Variants in DIP2A observed in about 807,000 individuals in gnomAD.
DIP2A encodes the protein DIP2 acetate--CoA ligase A, also known as disco-interacting protein 2 homolog A.
A neutral mutation model predicts 177.4 loss-of-function variants in DIP2A; 85 were observed. The observed-to-expected ratio is 0.48, with a 90% confidence interval of 0.40 to 0.57. DIP2A has a LOEUF of 0.57. DIP2A is among the 20% of genes least tolerant of loss of function. The probability of loss-of-function intolerance (pLI) is 0.00; values close to 1 mark genes in which losing one functional copy is unlikely to be tolerated. For missense variants in DIP2A, 1,791 were observed against 2,100.2 expected (o/e 0.85, Z 2.88); for synonymous variants, 886 against 881.8 (o/e 1.00, Z -0.08).
At chr21:46,500,654 T>G (rs1393439435) in intron 5 of DIP2A, among the ~76,000 whole-genome samples, 1 of 152,238 alleles carries the variant, frequency 6.6e-6, no homozygotes, top group East Asian at 1.9e-4. Flanking sequence ...CTCAACACTG[T>G]TTCCGGGTGG....
At chr21:46,544,361 C>T (rs570938246) in intron 18 of DIP2A, among the ~76,000 whole-genome samples, 20 of 152,248 alleles carry the variant, frequency 1.3e-4, no homozygotes, top group African/African-American at 4.1e-4. Flanking sequence ...GCAGACAGGT[C>T]GTTTGTCAGT....
intron 5 of DIP2A, among the ~76,000 whole-genome samples, chr21:46,500,761 T>C (rs1236367533): frequency 1.3e-5 from 2 of 152,250 alleles, no homozygotes; most frequent in African/African-American, 2.4e-5. Context: ...GGGGTGTCTT[T>C]AAGCAAAGCA....
downstream of DIP2A, among the ~76,000 whole-genome samples, chr21:46,570,142 G>A (rs533708773): frequency 1.3e-4 from 20 of 152,300 alleles, no homozygotes; most frequent in African/African-American, 4.6e-4. Context: ...CCAGATGCAC[G>A]TTTACACTGC....
intron 1 of DIP2A, among the ~76,000 whole-genome samples, chr21:46,460,213 A>G (rs955227844): frequency 6.6e-6 from 1 of 152,142 alleles, no homozygotes; most frequent in African/African-American, 2.4e-5. Context: ...AAAAAGTCGT[A>G]TAAATGGTTG....
Position 46,497,425 on chromosome 21 carries a change from T to TA in DIP2A, c.403+320dup, listed in dbSNP as rs2057418350. 5.9e-5 allele frequency among the ~76,000 whole-genome samples: 9 copies of TA among 152,332 alleles called. No homozygotes were observed. The South Asian group carries it at 1.9e-3, about 32-fold the overall frequency. ...ACTAAGAGGAGCCTAAAATAAGCAC[T>TA]AAGCTAAAGCTTCCTGAATTAGGAA... is the stretch of plus-strand genomic sequence containing the variant. On this transcript the variant is annotated intron_variant, in intron 4 of 37. Transcript: ENST00000417564.
In DIP2A at chr21:46,554,589, G is replaced by GTCT; in HGVS notation, c.3169_3170insTCT (p.Ala1057delinsValSer). 6.2e-7 allele frequency: 1 copy of GTCT among 1,611,868 alleles called. No homozygotes were observed. Among genetic ancestry groups the GTCT allele is most frequent in the Non-Finnish European group, 8.5e-7 (1 of 1,179,150 alleles). On this transcript the variant is annotated protein_altering_variant, in exon 27 of 38. Coordinates refer to ENST00000417564, the MANE Select transcript of DIP2A (RefSeq NM_015151.4). ...TGTCTCCACAGGGGTGGACCTCATT[G>GTCT]CCGCGTTCTATGGCTGCTTGTACTG... is the stretch of plus-strand genomic sequence containing the variant.
Position 46,550,160 on chromosome 21 carries a change from C to G in DIP2A, c.2637+275C>G, listed in dbSNP as rs554089275. On this transcript the variant is annotated intron_variant, in intron 22 of 37. Transcript: ENST00000417564. ...GATGAGAACATTTGAAATGCACTCTCACAGTGATTTTGAAATGTACATTAT... is the reference window on the plus strand; with the variant it reads ...GATGAGAACATTTGAAATGCACTCTGACAGTGATTTTGAAATGTACATTAT... 1.4e-4 allele frequency: 121 copies of G among 866,996 alleles called. 1 individual carries two copies. The South Asian group carries it at 2.3e-3, about 17-fold the overall frequency. 53.7% of individuals were successfully genotyped at this position (866,996 alleles called of 1,614,324 possible).
At chr21:46,460,086 G>A (rs1258520172) in intron 1 of DIP2A, among the ~76,000 whole-genome samples, 3 of 152,112 alleles carry the variant, frequency 2.0e-5, no homozygotes, top group South Asian at 2.1e-4. Flanking sequence ...TATAAAGTGG[G>A]GTTATACCAG....
At chr21:46,485,296 A>G (rs2056611868) in intron 2 of DIP2A, among the ~76,000 whole-genome samples, 1 of 152,182 alleles carries the variant, frequency 6.6e-6, no homozygotes, top group Non-Finnish European at 1.5e-5. Context: ...ATCCAAGTAT[A>G]AAAGGTCAAG....
rs1325633301 is a variant in DIP2A, at chr21:46,567,631, C to T, written c.*9C>T. The T allele has an allele frequency of 6.4e-7, 1 of 1,571,944 alleles. No homozygotes were observed. Among genetic ancestry groups the T allele is most frequent in the Non-Finnish European group, 8.6e-7 (1 of 1,156,660 alleles). On this transcript the variant is annotated 3_prime_UTR_variant, in exon 38 of 38. Transcript: ENST00000417564. ...TCGCCTACAACATGTGAGCGCAGCA[C>T]ACCGGCCCAGGTGCCGGAGATGAAT...
At chr21:46,494,242 T>A (rs1202611708) in intron 3 of DIP2A, among the ~76,000 whole-genome samples, 1 of 152,218 alleles carries the variant, frequency 6.6e-6, no homozygotes, top group African/African-American at 2.4e-5. Context: ...TGGTAAGTGT[T>A]TTCAGCCTCT....
intron 1 of DIP2A, among the ~76,000 whole-genome samples, chr21:46,471,930 CAA>C (rs1294950134): frequency 2.6e-5 from 4 of 152,052 alleles, no homozygotes; most frequent in Non-Finnish European, 5.9e-5. Flanking sequence ...AAATAGCAGA[CAA>C]AGAGCTTTTA....
At chr21:46,490,009 C>T (rs988616726) in intron 2 of DIP2A, among the ~76,000 whole-genome samples, 1 of 152,144 alleles carries the variant, frequency 6.6e-6, no homozygotes, top group East Asian at 1.9e-4. Context: ...GTGGGTGGTG[C>T]GGCGAGGGCA....
chr21:46,552,230 G>T (rs906421920), intron 25 of DIP2A, among the ~76,000 whole-genome samples: 2 of 152,198 alleles, frequency 1.3e-5, no homozygotes, highest in Non-Finnish European at 2.9e-5. Flanking sequence ...CAGTATACAT[G>T]TAAATATTCC....
In DIP2A at chr21:46,537,497, G is replaced by A; in HGVS notation, c.1759G>A (p.Ala587Thr). Residue 587 changes from alanine to threonine, a missense_variant, in exon 15 of 38, where the codon GCG becomes ACG. By Grantham distance (58) the Ala-to-Thr change is moderately conservative (BLOSUM62 0). Coordinates refer to ENST00000417564, the MANE Select transcript of DIP2A (RefSeq NM_015151.4). This position sits in a 1 kb window ranked among gnomAD's most constrained non-coding sequence, Gnocchi z 4.1. ...VVSVPYALMK[A>T]NPLSWIQKVC... is the part of the protein sequence containing the mutation. Reference sequence around the variant, plus strand: ...CAGCGTCCCCTACGCGCTGATGAAGGCGAACCCACTCTCCTGGATCCAGAA... The same window carrying A: ...CAGCGTCCCCTACGCGCTGATGAAGACGAACCCACTCTCCTGGATCCAGAA... 1 of 1,614,210 alleles carries A rather than the reference G, an allele frequency of 6.2e-7. No homozygotes were observed. Among genetic ancestry groups the A allele is most frequent in the South Asian group, 1.1e-5 (1 of 91,088 alleles).
chr21:46,511,628 G>A lies in DIP2A; in HGVS notation c.1102+14G>A. 2 of 1,514,390 alleles carry A rather than the reference G, an allele frequency of 1.3e-6. No individual in the cohort carries two copies. The highest frequency in any genetic ancestry group is 2.3e-5 in the East Asian group (1 of 42,890). 93.8% of individuals were successfully genotyped at this position (1,514,390 alleles called of 1,614,324 possible). On this transcript the variant is annotated intron_variant, in intron 8 of 37. Coordinates refer to ENST00000417564, the MANE Select transcript of DIP2A (RefSeq NM_015151.4). ...CTCTCACCTATGGCAAGTGTTAACA[G>A]AAAGCAGTTGTGCTTCTGGGTTAGC...
At chr21:46,547,486 A>T (rs1012065147) in intron 21 of DIP2A, among the ~76,000 whole-genome samples, 2 of 152,270 alleles carry the variant, frequency 1.3e-5, no homozygotes, top group East Asian at 1.9e-4. Flanking sequence ...GACCTTAGAG[A>T]TTCTCTTGAG....
At chr21:46,473,448 A>G (rs1251349453) in intron 1 of DIP2A, among the ~76,000 whole-genome samples, 1 of 120,566 alleles carries the variant, frequency 8.3e-6, no homozygotes, top group African/African-American at 3.2e-5. Context: ...CAGTGAGACC[A>G]TGTCTCAGGG....
At position 46,473,352 on chromosome 21, in the gene DIP2A, A is replaced by G. The variant is rs182594520; in HGVS notation, c.92-11405A>G. On this transcript the variant is annotated intron_variant, in intron 1 of 37. Transcript: ENST00000417564. ...TTGGTGCATGCCTGTAATCCCAACT[A>G]TTTGATAGGCCGATGTGGGAGGATT... 3.4e-3 allele frequency among the ~76,000 whole-genome samples: 511 copies of G among 149,724 alleles called. 5 individuals carry two copies. The highest frequency in any genetic ancestry group is 6.8e-3 in the Middle Eastern group (2 of 294).
Sources: allele counts gnomAD v4.1 joint callset (sites outside exome capture counted in the v4.1 genomes callset), GRCh38; gene constraint gnomAD v4.1.1; non-coding constraint Gnocchi (gnomAD v3.1); transcripts MANE v1.5; gene names NCBI Gene and HGNC (gene_info 2026-07-23, HGNC 2026-07-21).